COL11A1: variants seen among roughly 807,000 people sequenced by gnomAD.
COL11A1 encodes collagen type XI alpha 1 chain.
In COL11A1, 74 loss-of-function variants were observed where a neutral mutation model predicts 265.2. That is an observed-to-expected ratio of 0.28 (90% CI 0.23 to 0.34). The LOEUF is 0.34. COL11A1 is among the 10% of genes least tolerant of loss of function. The pLI is 1.00. For synonymous variants in COL11A1, 816 were observed against 727.6 expected, an observed-to-expected ratio of 1.12 and a Z score of -1.96; for missense variants, 2,165 against 2,263.6, an observed-to-expected ratio of 0.96 and a Z score of 0.88.
intron 42 of COL11A1, among the ~76,000 whole-genome samples, chr1:102,946,626 C>T (rs570882440): frequency 6.6e-6 from 1 of 152,006 alleles, no homozygotes; most frequent in Non-Finnish European, 1.5e-5. Context: ...TAATATCCAA[C>T]TCCCTCACAG....
At chr1:102,913,486 A>T in intron 53 of COL11A1, 151 bp downstream of exon 53, 1 of 662,274 alleles carries the variant, frequency 1.5e-6, no homozygotes, top group South Asian at 1.8e-5. Context: ...ATTGATTTTT[A>T]ATGGGAATTC....
chr1:102,981,382 A>C (rs966873426), intron 31 of COL11A1, among the ~76,000 whole-genome samples: 2 of 145,572 alleles, frequency 1.4e-5, no homozygotes, highest in African/African-American at 5.1e-5. Context: ...TACAGTATGA[A>C]AATAAAAATT....
At chr1:102,986,085 G>A (rs993102347) in intron 30 of COL11A1, among the ~76,000 whole-genome samples, 1 of 151,916 alleles carries the variant, frequency 6.6e-6, no homozygotes, top group Non-Finnish European at 1.5e-5. Context: ...GAGATAGAAC[G>A]GTGGGGGCTT....
In COL11A1 at chr1:103,001,979, A is replaced by G. The variant is rs138796959; in HGVS notation, c.2098-10T>C. ...GTGGACCAGGAAGACCCTATTTTAA[A>G]AGAATTTATTTCATATATCAGATAT... On this transcript the variant is annotated splice_polypyrimidine_tract_variant and intron_variant, in intron 23 of 66. Coordinates refer to ENST00000370096, the MANE Select transcript of COL11A1 (RefSeq NM_001854.4). 26 of 1,610,292 alleles carry G rather than the reference A, an allele frequency of 1.6e-5. No individual in the cohort carries two copies. In the East Asian group the frequency reaches 5.8e-4, roughly 36 times the overall value.
chr1:103,053,002 G>A (rs182313243), intron 4 of COL11A1, among the ~76,000 whole-genome samples: 38 of 152,200 alleles, frequency 2.5e-4, no homozygotes, highest in African/African-American at 9.1e-4. Flanking sequence ...GCTAATAATA[G>A]ACCTTAAAAG....
At chr1:102,922,076 C>T (rs1025600163) in intron 47 of COL11A1, among the ~76,000 whole-genome samples, 1 of 152,104 alleles carries the variant, frequency 6.6e-6, no homozygotes, top group Admixed American at 6.5e-5. Flanking sequence ...GATTTTCTCT[C>T]CTGACAGTGC....
At chr1:102,922,688 C>G (rs1006327339) in intron 47 of COL11A1, among the ~76,000 whole-genome samples, 4 of 152,128 alleles carry the variant, frequency 2.6e-5, no homozygotes, top group Admixed American at 1.3e-4. Context: ...CGTGAGCCAC[C>G]GCTCCCGGCC....
chr1:103,104,884 C>T (rs1387836714), intron 1 of COL11A1, among the ~76,000 whole-genome samples: 3 of 152,136 alleles, frequency 2.0e-5, no homozygotes, highest in East Asian at 1.9e-4. Context: ...CACTGTTGGA[C>T]TAGCACATAC....
At chr1:102,965,593 T>A in intron 37 of COL11A1, 53 bp from the exon 38 acceptor site, 1 of 1,474,182 alleles carries the variant, frequency 6.8e-7, no homozygotes, top group Non-Finnish European at 9.5e-7. Flanking sequence ...AAAGCATAAA[T>A]CAAAATTCTA....
intron 41 of COL11A1, among the ~76,000 whole-genome samples, chr1:102,949,844 GA>G (rs1659702950): frequency 6.6e-6 from 1 of 152,062 alleles, no homozygotes; most frequent in Non-Finnish European, 1.5e-5. Flanking sequence ...AGCCACTTAA[GA>G]GCCACTTCTA....
chr1:103,036,175 T>TAA (rs1668352011), intron 4 of COL11A1, among the ~76,000 whole-genome samples: 1 of 151,414 alleles, frequency 6.6e-6, no homozygotes, highest in African/African-American at 2.4e-5. Flanking sequence ...GTGCATCACT[T>TAA]AATTTATCAT....
At chr1:102,887,254 T>C (rs1651109654) in intron 62 of COL11A1, among the ~76,000 whole-genome samples, 198 bp from the exon 63 acceptor site, 3 of 152,138 alleles carry the variant, frequency 2.0e-5, no homozygotes, top group African/African-American at 7.2e-5. Flanking sequence ...GGTGGAGATA[T>C]TGAGGTAGGT....
At chr1:103,016,282 CATGTTA>C (rs1052382971) in intron 11 of COL11A1, among the ~76,000 whole-genome samples, 10 of 151,696 alleles carry the variant, frequency 6.6e-5, no homozygotes, top group Admixed American at 2.6e-4. Context: ...CTAATTTTAG[CATGTTA>C]ATGTTAATCA....
Position 103,005,842 on chromosome 1 carries a change from T to C in COL11A1, c.1841A>G (p.His614Arg), listed in dbSNP as rs1445066888. 1.2e-6 allele frequency: 2 copies of C among 1,612,806 alleles called. No homozygotes were observed. The highest frequency in any genetic ancestry group is 1.3e-5 in the African/African-American group (1 of 74,908). Residue 614 changes from histidine (H) to arginine (R), a missense_variant, in exon 18 of 67, where the codon CAC becomes CGC. Physicochemically the swap from His to Arg is conservative, Grantham distance 29. Transcript: ENST00000370096. ...AAAGGAATAGATGTATCTTACCCTG[T>C]GACCTTTGTCACCTGGCAGACCCGG... ...GLPGLPGDKG[H>R]RGERGPQGPP...
intron 37 of COL11A1, among the ~76,000 whole-genome samples, chr1:102,969,687 G>A (rs952995839): frequency 1.3e-5 from 2 of 152,126 alleles, no homozygotes; most frequent in African/African-American, 2.4e-5. Flanking sequence ...TTTAGTGACC[G>A]TTTTTGATTT....
At chr1:102,913,252 G>A (rs1570709061) in intron 53 of COL11A1, among the ~76,000 whole-genome samples, 1 of 151,948 alleles carries the variant, frequency 6.6e-6, no homozygotes, top group African/African-American at 2.4e-5. Context: ...AGTTCATTTA[G>A]GTTCACAATT....
At chr1:103,018,990 T>C in intron 9 of COL11A1, 131 bp from the exon 10 acceptor site, 2 of 688,960 alleles carry the variant, frequency 2.9e-6, no homozygotes, top group Non-Finnish European at 4.9e-6. Flanking sequence ...CTTAAATTAA[T>C]TACAAATGTT....
chr1:102,960,447 C>A (rs1660786446), intron 41 of COL11A1, among the ~76,000 whole-genome samples: 1 of 148,290 alleles, frequency 6.7e-6, no homozygotes, highest in South Asian at 2.2e-4. Context: ...AATGTAATTT[C>A]TAAAAATGGA....
chr1:102,893,017 T>G (rs887575268), intron 57 of COL11A1, among the ~76,000 whole-genome samples: 1 of 152,164 alleles, frequency 6.6e-6, no homozygotes. Context: ...AATGAAATTG[T>G]CAAATTCACT....
Sources: gnomAD v4.1 joint callset for allele counts (sites outside exome capture counted in the v4.1 genomes callset) on GRCh38, gnomAD v4.1.1 for gene constraint, MANE v1.5 for transcripts, NCBI Gene and HGNC (gene_info 2026-07-23, HGNC 2026-07-21) for gene names.